Variants in COG5 observed in about 807,000 individuals in gnomAD.
COG5 encodes component of oligomeric golgi complex 5, also known as conserved oligomeric Golgi complex subunit 5.
COG5 carries 86 observed loss-of-function variants against 110.4 expected under a neutral mutation model. The ratio of observed to expected loss-of-function variants is 0.78; its 90% CI spans 0.65 to 0.93. The LOEUF (loss-of-function observed/expected upper bound fraction) is 0.93. COG5 is among the 40% of genes least tolerant of loss of function. The pLI is 0.00. For missense variants in COG5, 1,077 were observed against 987.0 expected, an observed-to-expected ratio of 1.09 and a Z score of -1.22; for synonymous variants, 360 against 334.6, an observed-to-expected ratio of 1.08 and a Z score of -0.83.
chr7:107,375,517 C>A (rs1814559549), intron 7 of COG5, among the ~76,000 whole-genome samples: 1 of 152,052 alleles, frequency 6.6e-6, no homozygotes, highest in African/African-American at 2.4e-5. Flanking sequence ...GCCAAAAATT[C>A]AAATGATCAT....
chr7:107,489,324 G>A (rs144766418), intron 6 of COG5, among the ~76,000 whole-genome samples: 261 of 152,168 alleles, frequency 1.7e-3, no homozygotes, highest in African/African-American at 5.9e-3. Context: ...TATCTCAGCC[G>A]AGATAAATGA....
intron 19 of COG5, among the ~76,000 whole-genome samples, chr7:107,222,230 C>T (rs1483562940): frequency 3.3e-5 from 5 of 151,212 alleles, no homozygotes; most frequent in East Asian, 3.9e-4. Context: ...GATGGAGTCT[C>T]GCTCTGTCGC....
intron 19 of COG5, among the ~76,000 whole-genome samples, chr7:107,212,659 T>C (rs939431421): frequency 3.3e-5 from 5 of 152,198 alleles, no homozygotes; most frequent in African/African-American, 9.7e-5. Flanking sequence ...AGCAAGATGG[T>C]AGAAGAAGAA....
chr7:107,313,716 C>T (rs1219284550), intron 11 of COG5, among the ~76,000 whole-genome samples: 2 of 152,120 alleles, frequency 1.3e-5, no homozygotes, highest in Non-Finnish European at 2.9e-5. Flanking sequence ...GTCCTGCTTT[C>T]CTCTTACTCT....
intron 7 of COG5, among the ~76,000 whole-genome samples, chr7:107,382,032 G>T (rs1273124924): frequency 6.6e-6 from 1 of 152,136 alleles, no homozygotes; most frequent in Non-Finnish European, 1.5e-5. Context: ...GAAAAAACTG[G>T]TAATTTACCA....
chr7:107,510,513 C>T (rs1187404347), intron 6 of COG5, among the ~76,000 whole-genome samples: 27 of 152,054 alleles, frequency 1.8e-4, no homozygotes, highest in African/African-American at 5.8e-4. Flanking sequence ...AAAAAGGATA[C>T]CCAGGAATTG....
chr7:107,273,730 T>C (rs1325561170), intron 14 of COG5, among the ~76,000 whole-genome samples: 1 of 152,190 alleles, frequency 6.6e-6, no homozygotes, highest in Non-Finnish European at 1.5e-5. Flanking sequence ...CTTTTCAAAC[T>C]TCTAATACTA....
Position 107,549,558 on chromosome 7 carries a change from A to AT in COG5, c.293-1227dup, listed in dbSNP as rs764100280. Among the ~76,000 whole-genome samples, 708 of 137,692 alleles carry AT rather than the reference A, an allele frequency of 5.1e-3. 2 individuals are homozygous for AT. Among genetic ancestry groups the AT allele is most frequent in the Non-Finnish European group, 6.1e-3 (387 of 63,658 alleles). The allele number at this position is 137,692 out of a possible 152,430, so 90.3% of individuals were successfully genotyped here. A position where few individuals can be genotyped will look rare whatever the true frequency, so the allele number is the denominator to read the frequency against. On this transcript the variant is annotated intron_variant, in intron 3 of 21. Transcript: ENST00000297135. ...AGGCGCCCACCACCACGCCCAGCTA[A>AT]TTTTTTTTTTTTTTTTTGTATTTTT...
chr7:107,210,315 G>C, intron 21 of COG5: 1 of 1,427,384 alleles, frequency 7.0e-7, no homozygotes, highest in Non-Finnish European at 9.1e-7. Context: ...GGATATGAAG[G>C]TTTGGAATGA....
intron 10 of COG5, among the ~76,000 whole-genome samples, chr7:107,327,685 A>G (rs568980194): frequency 2.0e-4 from 31 of 152,324 alleles, no homozygotes; most frequent in African/African-American, 7.2e-4. Flanking sequence ...CTGGCCAACA[A>G]GCACATGAAA....
intron 6 of COG5, among the ~76,000 whole-genome samples, chr7:107,435,301 T>C (rs1303588632): frequency 6.6e-6 from 1 of 152,128 alleles, no homozygotes; most frequent in African/African-American, 2.4e-5. Flanking sequence ...TGGTATTTGT[T>C]TTTTCCACAA....
intron 10 of COG5, among the ~76,000 whole-genome samples, chr7:107,343,573 TG>T (rs1275338101): frequency 1.3e-5 from 2 of 151,902 alleles, no homozygotes; most frequent in Non-Finnish European, 2.9e-5. Context: ...CCCAGCTACT[TG>T]GGAAGCCGAG....
chr7:107,373,494 G>C (rs570467723), intron 7 of COG5, among the ~76,000 whole-genome samples: 1 of 152,224 alleles, frequency 6.6e-6, no homozygotes, highest in African/African-American at 2.4e-5. Flanking sequence ...TATACTGAGG[G>C]AGTCAAAGGA....
chr7:107,220,175 T>G (rs758551284), intron 19 of COG5, among the ~76,000 whole-genome samples: 3 of 152,216 alleles, frequency 2.0e-5, no homozygotes, highest in African/African-American at 4.8e-5. Context: ...CTATGCTGAT[T>G]CACAGAATCA....
intron 6 of COG5, among the ~76,000 whole-genome samples, chr7:107,514,756 T>C (rs971546578): frequency 2.6e-5 from 4 of 152,310 alleles, no homozygotes; most frequent in East Asian, 1.9e-4. Flanking sequence ...ATAGCACACA[T>C]AGTAGATATT....
chr7:107,405,601 A>G (rs549374638), intron 7 of COG5, among the ~76,000 whole-genome samples: 1 of 152,374 alleles, frequency 6.6e-6, no homozygotes, highest in East Asian at 1.9e-4. Context: ...ATTTATACAT[A>G]AGAAATACAG....
Position 107,522,464 on chromosome 7 carries a change from G to A in COG5, c.538+4773C>T, listed in dbSNP as rs764558231. On this transcript the variant is annotated intron_variant, in intron 6 of 21. Transcript: ENST00000297135. Reference sequence around the variant, plus strand: ...GCCTGTGCAACGAGAGTGAAACTCCGTCTCAAAAAACAACAACAACAACAA... The same window carrying A: ...GCCTGTGCAACGAGAGTGAAACTCCATCTCAAAAAACAACAACAACAACAA... Among the ~76,000 whole-genome samples the A allele has an allele frequency of 5.3e-5, 8 of 152,122 alleles. No homozygotes were observed. In the Middle Eastern group the frequency reaches 0.01, roughly 194 times the overall value.
Position 107,553,832 on chromosome 7 carries a change from G to A in COG5, c.292+453C>T, listed in dbSNP as rs115398331. Among the ~76,000 whole-genome samples the A allele has an allele frequency of 5.5e-3, 840 of 152,284 alleles. 8 individuals are homozygous for A. The highest frequency in any genetic ancestry group is 0.019 in the African/African-American group (809 of 41,550). On this transcript the variant is annotated intron_variant, in intron 3 of 21. Coordinates refer to ENST00000297135, the MANE Select transcript of COG5 (RefSeq NM_006348.5). ...TACTAGTCACTCTGGTATTGTTGATGTTTTTATTGTTTTAATTAACTAACA... is the reference window on the plus strand; with the variant it reads ...TACTAGTCACTCTGGTATTGTTGATATTTTTATTGTTTTAATTAACTAACA...
At chr7:107,438,974 C>T (rs1443403080) in intron 6 of COG5, among the ~76,000 whole-genome samples, 1 of 152,106 alleles carries the variant, frequency 6.6e-6, no homozygotes, top group East Asian at 1.9e-4. Flanking sequence ...GCTCTTCTCC[C>T]TCCACCCTCT....
Sources: gnomAD v4.1 joint callset for allele counts (sites outside exome capture counted in the v4.1 genomes callset) on GRCh38, gnomAD v4.1.1 for gene constraint, MANE v1.5 for transcripts, NCBI Gene and HGNC (gene_info 2026-07-23, HGNC 2026-07-21) for gene names.